TYW1: variants seen among roughly 807,000 people sequenced by gnomAD.
The protein encoded by TYW1 is S-adenosyl-L-methionine-dependent tRNA 4-demethylwyosine synthase TYW1.
A neutral mutation model predicts 96.2 loss-of-function variants in TYW1; 46 were observed. The observed-to-expected ratio is 0.48, with a 90% CI of 0.38 to 0.61. The LOEUF is 0.61. Ranked by LOEUF, TYW1 falls within the 20% of genes least tolerant of loss-of-function variation. The pLI is 0.00. For synonymous variants in TYW1, 274 were observed against 323.0 expected (o/e 0.85, Z 1.63); for missense variants, 684 against 909.6 (o/e 0.75, Z 3.19).
rs1281737651 is a variant in TYW1 at position 66,996,953 on chromosome 7, C to G, written c.-26C>G. On this transcript the variant is annotated 5_prime_UTR_variant, in exon 1 of 16. Coordinates refer to ENST00000359626, the MANE Select transcript of TYW1 (RefSeq NM_018264.4). ...CATCGGGCTATCCAGGTCCGAGATC[C>G]TAGTCTCCTGTCGGCTCTGAGGAGG... is the stretch of plus-strand genomic sequence containing the variant. 1 of 1,614,118 alleles carries G rather than the reference C, an allele frequency of 6.2e-7. No homozygotes were observed.
At chr7:67,031,812 C>T (rs1562975009) in intron 7 of TYW1, among the ~76,000 whole-genome samples, 1 of 146,822 alleles carries the variant, frequency 6.8e-6, no homozygotes, top group Non-Finnish European at 1.5e-5. Context: ...TGTGCCTTTA[C>T]AAATGGAGAG....
intron 13 of TYW1, among the ~76,000 whole-genome samples, chr7:67,118,154 A>T (rs1234502471): frequency 6.6e-6 from 1 of 151,762 alleles, no homozygotes; most frequent in Admixed American, 6.6e-5. Flanking sequence ...GTCAGACCTC[A>T]TCTCTACTAG....
chr7:67,103,421 G>A (rs1451637876), intron 12 of TYW1, among the ~76,000 whole-genome samples: 1 of 152,148 alleles, frequency 6.6e-6, no homozygotes, highest in Admixed American at 6.6e-5. Flanking sequence ...GATTAGGATT[G>A]CCATGCTAGA....
At chr7:67,061,295 A>G (rs1461654192) in intron 9 of TYW1, among the ~76,000 whole-genome samples, 1 of 152,216 alleles carries the variant, frequency 6.6e-6, no homozygotes, top group Non-Finnish European at 1.5e-5. Flanking sequence ...GTGACCAAGT[A>G]TTGGAGGAAA....
At position 67,169,765 on chromosome 7, in the gene TYW1, G is replaced by A. The variant is rs541508694; in HGVS notation, c.1699-13361G>A. 3.4e-4 allele frequency among the ~76,000 whole-genome samples: 51 copies of A among 152,234 alleles called. No individual in the cohort carries two copies. The East Asian group carries it at 9.2e-3, about 28-fold the overall frequency. On this transcript the variant is annotated intron_variant, in intron 13 of 15. Coordinates refer to ENST00000359626, the MANE Select transcript of TYW1 (RefSeq NM_018264.4). ...GATATGTACTATATTTTCTTTGTCCGTTCTTCAGCTGATGGACGTTGGCAT... is the reference window on the plus strand; with the variant it reads ...GATATGTACTATATTTTCTTTGTCCATTCTTCAGCTGATGGACGTTGGCAT...
At chr7:67,072,080 C>G (rs1312218056) in intron 10 of TYW1, among the ~76,000 whole-genome samples, 1 of 149,606 alleles carries the variant, frequency 6.7e-6, no homozygotes, top group Non-Finnish European at 1.5e-5. Flanking sequence ...TTTCTAAATC[C>G]CAGGCGCATG....
intron 3 of TYW1, among the ~76,000 whole-genome samples, chr7:67,002,844 TTTTTCTTTTTTC>T (rs1169874757): frequency 1.5e-4 from 17 of 116,420 alleles, no homozygotes; most frequent in Non-Finnish European, 2.3e-4. Context: ...TTTCTTTTTC[TTTTTCTTTTTTC>T]TTTTTTTTTT....
At position 67,094,949 on chromosome 7, in the gene TYW1, G is replaced by C. The variant is rs376392822; in HGVS notation, c.1385-3592G>C. On this transcript the variant is annotated intron_variant, in intron 11 of 15. Coordinates refer to ENST00000359626, the MANE Select transcript of TYW1 (RefSeq NM_018264.4). ...TTTTGGGTTAAATAAAGTGGTGCCT[G>C]GTGGAGATTGCTGGTGGGGGGGTAC... Among the ~76,000 whole-genome samples the C allele has an allele frequency of 1.2e-4, 19 of 152,092 alleles. No homozygotes were observed. The South Asian group carries it at 4.0e-3, about 32-fold the overall frequency.
intron 13 of TYW1, among the ~76,000 whole-genome samples, chr7:67,136,286 C>T (rs1230094475): frequency 6.6e-6 from 1 of 152,060 alleles, no homozygotes; most frequent in African/African-American, 2.4e-5. Flanking sequence ...ATCATTTTTC[C>T]TTCTCTTATT....
rs772523127 is a variant in TYW1, at chr7:67,024,885, G to A, written c.862-15G>A. On this transcript the variant is annotated splice_polypyrimidine_tract_variant and intron_variant, in intron 6 of 15. Transcript: ENST00000359626. ...CCCCTTTGAACAATGTATTTCTGAA[G>A]CATTTCTCTTCCAGGAGGAAGAACC... 24 of 1,613,606 alleles carry A rather than the reference G, an allele frequency of 1.5e-5. No homozygotes were observed. The African/African-American group carries it at 2.1e-4, about 14-fold the overall frequency.
intron 13 of TYW1, among the ~76,000 whole-genome samples, chr7:67,137,053 TCCACCCACCCTGGC>T (rs1798285178): frequency 6.8e-6 from 1 of 146,794 alleles, no homozygotes; most frequent in African/African-American, 2.6e-5. Context: ...AAACTTCTGA[TCCACCCACCCTGGC>T]CTCCCAAAGT....
chr7:67,110,361 G>A (rs1240807740), intron 12 of TYW1, among the ~76,000 whole-genome samples: 4 of 152,138 alleles, frequency 2.6e-5, no homozygotes, highest in African/African-American at 7.2e-5. Flanking sequence ...AGCAGGCAGC[G>A]AAAACCAAGG....
intron 15 of TYW1, among the ~76,000 whole-genome samples, chr7:67,223,701 C>T (rs1801469445): frequency 6.6e-6 from 1 of 151,582 alleles, no homozygotes; most frequent in African/African-American, 2.4e-5. Context: ...GTTCTTATTG[C>T]CTATCCTGGC....
intron 15 of TYW1, among the ~76,000 whole-genome samples, chr7:67,206,771 C>T (rs755360841): frequency 6.6e-6 from 1 of 152,126 alleles, no homozygotes; most frequent in Non-Finnish European, 1.5e-5. Context: ...ACAATCCATA[C>T]ATAACCGAGG....
intron 12 of TYW1, among the ~76,000 whole-genome samples, chr7:67,111,823 G>A (rs879620399): frequency 7.9e-5 from 12 of 152,090 alleles, no homozygotes; most frequent in Non-Finnish European, 1.5e-4. Context: ...GAAAGATCCC[G>A]GCGTGGTGGC....
At chr7:67,230,934 C>T (rs1472584205) in intron 15 of TYW1, among the ~76,000 whole-genome samples, 4 of 152,128 alleles carry the variant, frequency 2.6e-5, no homozygotes, top group African/African-American at 7.2e-5. Context: ...GCCACCATGC[C>T]TGGCTGCTTA....
At chr7:67,199,203 A>AAT (rs1563067611) in intron 15 of TYW1, among the ~76,000 whole-genome samples, 20 of 151,680 alleles carry the variant, frequency 1.3e-4, no homozygotes, top group African/African-American at 2.9e-4. Flanking sequence ...TCAAAAAAAA[A>AAT]AAATAAATAA....
rs771805257 is a variant in TYW1, at chr7:67,014,628, AACAC to A, written c.570+74_570+77del. 3.0e-5 allele frequency: 44 copies of A among 1,473,882 alleles called. No homozygotes were observed. In the African/African-American group the frequency reaches 3.2e-4, roughly 11 times the overall value. 91.3% of individuals were successfully genotyped at this position (1,473,882 alleles called of 1,614,324 possible). A position where few individuals can be genotyped will look rare whatever the true frequency, so the allele number is the denominator to read the frequency against. On this transcript the variant is annotated intron_variant, in intron 5 of 15. Transcript: ENST00000359626. Reference sequence around the variant, plus strand: ...ACACACACACACGCACACACACGTAAACACACACACGTGCACACACGCACACACA... The same window carrying A: ...ACACACACACACGCACACACACGTAAACACACGTGCACACACGCACACACA...
At chr7:67,029,415 G>GTGTGTGTGTGTATA (rs1241213574) in intron 7 of TYW1, among the ~76,000 whole-genome samples, 1 of 94,320 alleles carries the variant, frequency 1.1e-5, no homozygotes, top group Non-Finnish European at 2.2e-5. Flanking sequence ...GTGTGTGTGT[G>GTGTGTGTGTGTATA]TATATATATA....
Sources: gnomAD v4.1 joint callset for allele counts (sites outside exome capture counted in the v4.1 genomes callset) on GRCh38, gnomAD v4.1.1 for gene constraint, MANE v1.5 for transcripts, NCBI Gene and HGNC (gene_info 2026-07-23, HGNC 2026-07-21) for gene names.